The following PSME4 variants were observed in gnomAD, a reference collection of about 807,000 sequenced individuals.
The protein encoded by PSME4 is proteasome activator complex subunit 4.
A neutral mutation model predicts 253.9 loss-of-function variants in PSME4; 89 were observed. That is an observed-to-expected ratio of 0.35 (90% confidence interval 0.30 to 0.42). PSME4 has a LOEUF of 0.42. Ranked by LOEUF, PSME4 falls within the 10% of genes least tolerant of loss-of-function variation. The pLI is 1.00. For synonymous variants in PSME4, 851 were observed against 759.2 expected (o/e 1.12, Z -1.99); for missense variants, 2,014 against 2,195.2 (o/e 0.92, Z 1.65).
intron 10 of PSME4, 114 bp downstream of exon 10, chr2:53,931,721 A>G: frequency 1.8e-6 from 2 of 1,128,186 alleles, no homozygotes; most frequent in Non-Finnish European, 1.3e-6. Flanking sequence ...TCCTCTAGGA[A>G]CAGGAATAAG....
chr2:53,919,969 TAAA>T (rs567490310), intron 19 of PSME4, among the ~76,000 whole-genome samples: 3 of 151,796 alleles, frequency 2.0e-5, no homozygotes, highest in Non-Finnish European at 4.4e-5. Flanking sequence ...TAGAAGGTAA[TAAA>T]AAAAATTAGA....
intron 20 of PSME4, among the ~76,000 whole-genome samples, chr2:53,918,660 A>G (rs1668165293): frequency 6.6e-6 from 1 of 152,172 alleles, no homozygotes; most frequent in Non-Finnish European, 1.5e-5. Context: ...TAAATGGCGG[A>G]GCTAACAACG....
rs566957394 is a variant in PSME4, at chr2:53,889,760, T to A, written c.4296+344A>T. ...GGCTTTTACTATATGTAAGTGACAT[T>A]TCCAAATACATGACTGTCACTTAAT... On this transcript the variant is annotated intron_variant, in intron 37 of 46. Coordinates refer to ENST00000404125, the MANE Select transcript of PSME4 (RefSeq NM_014614.3). Among the ~76,000 whole-genome samples, 6 of 152,322 alleles carry A rather than the reference T, an allele frequency of 3.9e-5. No individual in the cohort carries two copies. The South Asian group carries it at 1.2e-3, about 32-fold the overall frequency.
rs1190705290 is a variant in PSME4, at chr2:53,864,988, G to A, written c.*590C>T. 6 of 152,608 alleles carry A rather than the reference G, an allele frequency of 3.9e-5. No individual in the cohort carries two copies. The highest frequency in any genetic ancestry group is 1.4e-4 in the African/African-American group (6 of 41,446). The allele number at this position is 152,608 out of a possible 1,614,324, so 9.5% of individuals were successfully genotyped here. A position where few individuals can be genotyped will look rare whatever the true frequency, so the allele number is the denominator to read the frequency against. ...TATTCAGCACCAAAAACTCCAGTCT[G>A]TGGGAAGTGCACAGACACAGACTTC... On this transcript the variant is annotated 3_prime_UTR_variant, in exon 47 of 47. Transcript: ENST00000404125.
Position 53,932,115 on chromosome 2 carries a change from G to A in PSME4, c.1051-15C>T, listed in dbSNP as rs1467790729. 1 of 1,607,796 alleles carries A rather than the reference G, an allele frequency of 6.2e-7. No homozygotes were observed. Among genetic ancestry groups the A allele is most frequent in the Non-Finnish European group, 8.5e-7 (1 of 1,176,690 alleles). On this transcript the variant is annotated splice_polypyrimidine_tract_variant and intron_variant, in intron 9 of 46. Coordinates refer to ENST00000404125, the MANE Select transcript of PSME4 (RefSeq NM_014614.3). ...ATTAACTTGTTCTGGGGACACAGAA[G>A]CAAAAAGTTCTAAGTAGGTTCTACT... is the stretch of plus-strand genomic sequence containing the variant.
intron 20 of PSME4, among the ~76,000 whole-genome samples, chr2:53,914,270 A>G (rs983348080): frequency 6.6e-6 from 1 of 152,188 alleles, no homozygotes; most frequent in African/African-American, 2.4e-5. Flanking sequence ...GGAAAAATTA[A>G]TGATGATTTC....
Position 53,923,111 on chromosome 2 carries a change from G to A in PSME4, c.1916C>T (p.Pro639Leu), listed in dbSNP as rs2104453138. Residue 639 changes from proline (P) to leucine (L), a missense_variant, in exon 16 of 47, where the codon CCA (proline) becomes CTA (leucine). Transcript: ENST00000404125. ...AACAAAGAGCTTCAAAGATTCTTCT[G>A]GGCAGCACTGAAAATGTATTTGTAT... ...DMCRAAVKCCPEESLKLFVPH... is the reference protein window; with the variant it reads ...DMCRAAVKCCLEESLKLFVPH... The A allele has an allele frequency of 3.7e-6, 6 of 1,605,582 alleles. No homozygotes were observed. In the East Asian group the frequency reaches 1.1e-4, roughly 30 times the overall value.
rs1007640995 is a variant in PSME4, at chr2:53,890,010, T to A, written c.4296+94A>T. 3 of 962,580 alleles carry A rather than the reference T, an allele frequency of 3.1e-6. No individual in the cohort carries two copies. In the African/African-American group the frequency reaches 5.0e-5, roughly 16 times the overall value. 59.6% of individuals were successfully genotyped at this position (962,580 alleles called of 1,614,324 possible). On this transcript the variant is annotated intron_variant, in intron 37 of 46. Coordinates refer to ENST00000404125, the MANE Select transcript of PSME4 (RefSeq NM_014614.3). The stretch of plus-strand genomic sequence containing the variant: ...ATTAAAAAACAAAACCCAAAAAGAT[T>A]TAAGAAGTGTTATGAGATTTCACAC...
rs1268695734 is a variant in PSME4 at position 53,908,778 on chromosome 2, A to G, written c.2629+6T>C. On this transcript the variant is annotated splice_donor_region_variant and intron_variant, in intron 22 of 46. Transcript: ENST00000404125. ...ACAAATAAGTTAAATGTACAGATAC[A>G]CTTACTAAGAAGTTTCCTTATAACT... 2 of 1,588,664 alleles carry G rather than the reference A, an allele frequency of 1.3e-6. No individual in the cohort carries two copies. The highest frequency in any genetic ancestry group is 3.4e-5 in the Admixed American group (2 of 58,362).
chr2:53,914,843 C>T (rs925820784), intron 20 of PSME4, among the ~76,000 whole-genome samples: 19 of 152,102 alleles, frequency 1.2e-4, no homozygotes, highest in African/African-American at 4.3e-4. Context: ...ATTGTGCCAC[C>T]GCACTCCAGC....
chr2:53,893,656 T>G lies in PSME4; in HGVS notation c.4038+18A>C. 1 of 1,605,404 alleles carries G rather than the reference T, an allele frequency of 6.2e-7. No individual in the cohort carries two copies. Among genetic ancestry groups the G allele is most frequent in the Non-Finnish European group, 8.5e-7 (1 of 1,175,516 alleles). The stretch of plus-strand genomic sequence containing the variant: ...GTTACTAAGCATTACAAAGAGGATA[T>G]GTAAACAATATAGTTACCTTAAAGA... On this transcript the variant is annotated intron_variant, in intron 35 of 46. Coordinates refer to ENST00000404125, the MANE Select transcript of PSME4 (RefSeq NM_014614.3).
rs776088587 is a variant in PSME4 at position 53,931,980 on chromosome 2, G to C, written c.1171C>G (p.Gln391Glu). ...PVPDSHKLTD[Q>E]DVTDFVQCII... is the part of the protein sequence containing the mutation. Reference sequence around the variant, plus strand: ...CATTGTACAAAGTCTGTAACATCTTGATCAGTAAGCTTGTGGCTATCAGGC... The same window carrying C: ...CATTGTACAAAGTCTGTAACATCTTCATCAGTAAGCTTGTGGCTATCAGGC... The change falls in exon 10 of 47, where the codon CAA (glutamine) becomes GAA (glutamate). Residue 391 changes from glutamine (Q) to glutamate (E), a missense_variant. Transcript: ENST00000404125. 3.7e-6 allele frequency: 6 copies of C among 1,614,074 alleles called. No individual in the cohort carries two copies. The highest frequency in any genetic ancestry group is 1.1e-5 in the South Asian group (1 of 91,082).
At chr2:53,959,934 A>G (rs773993276) in intron 1 of PSME4, among the ~76,000 whole-genome samples, 29 of 152,250 alleles carry the variant, frequency 1.9e-4, no homozygotes, top group Non-Finnish European at 3.7e-4. Context: ...AAACATGTAA[A>G]AGTGAAATAA....
chr2:53,908,808 C>T lies in PSME4; in HGVS notation c.2605G>A (p.Ala869Thr), dbSNP rs1387355453. The T allele has an allele frequency of 6.2e-7, 1 of 1,602,966 alleles. No homozygotes were observed. The highest frequency in any genetic ancestry group is 8.5e-7 in the Non-Finnish European group (1 of 1,172,516). ...CTAAGAAGTTTCCTTATAACTGTAG[C>T]AATTACTTCTCGGTGGTTCTCTCGA... ...LSRENHREVI[A>T]TVIRKLLNHI... The change falls in exon 22 of 47, where the codon GCT becomes ACT. Residue 869 changes from alanine to threonine, a missense_variant. By Grantham distance (58) the Ala-to-Thr change is moderately conservative. Transcript: ENST00000404125.
At position 53,939,982 on chromosome 2, in the gene PSME4, G is replaced by C; in HGVS notation, c.519C>G (p.Leu173=). Residue 173 remains leucine (L), a synonymous_variant, in exon 4 of 47, where the codon CTC becomes CTG. Transcript: ENST00000404125. ...NWFPNSVENI[L]KTLVKSCRPY... is the part of the protein sequence containing the mutation. ...GTCGGCAGCTTTTCACGAGTGTTTTGAGAATATTTTCTACAGAACTGGGGG... is the reference window on the plus strand; with the variant it reads ...GTCGGCAGCTTTTCACGAGTGTTTTCAGAATATTTTCTACAGAACTGGGGG... 1 of 1,593,586 alleles carries C rather than the reference G, an allele frequency of 6.3e-7. No homozygotes were observed. The highest frequency in any genetic ancestry group is 8.6e-7 in the Non-Finnish European group (1 of 1,164,932).
chr2:53,969,842 T>G (rs956950635), intron 1 of PSME4, among the ~76,000 whole-genome samples: 2 of 152,132 alleles, frequency 1.3e-5, no homozygotes, highest in Non-Finnish European at 2.9e-5. Context: ...ATCCTGACAG[T>G]GCTCTTCCCT....
At chr2:53,899,205 T>A (rs1215149076) in intron 29 of PSME4, among the ~76,000 whole-genome samples, 1 of 151,876 alleles carries the variant, frequency 6.6e-6, no homozygotes, top group Admixed American at 6.6e-5. Flanking sequence ...GCTGGGACTG[T>A]AGGCGCGTGC....
rs1355975361 is a variant in PSME4, at chr2:53,936,147, G to C, written c.774C>G (p.Leu258=). The change falls in exon 7 of 47, where the codon CTC becomes CTG. Residue 258 remains leucine, a synonymous_variant. Transcript: ENST00000404125. The stretch of plus-strand genomic sequence containing the variant: ...TATTATCTGTAGCCAATCGAGCAAA[G>C]AGATTTACTAGTTGCTGAAAGTAAA... The part of the protein sequence containing the change: ...LPQWEGQLVN[L]FARLATDNIG... The C allele has an allele frequency of 3.1e-6, 5 of 1,613,354 alleles. No individual in the cohort carries two copies. In the South Asian group the frequency reaches 5.5e-5, roughly 18 times the overall value.
intron 41 of PSME4, chr2:53,881,634 G>A (rs1470871980): frequency 6.6e-6 from 1 of 151,038 alleles, no homozygotes; most frequent in Admixed American, 6.6e-5. Flanking sequence ...TCTCCCAGCT[G>A]GAGCACAGTG....
Sources: allele counts gnomAD v4.1 joint callset (sites outside exome capture counted in the v4.1 genomes callset), GRCh38; gene constraint gnomAD v4.1.1; transcripts MANE v1.5; gene names NCBI Gene and HGNC (gene_info 2026-07-23, HGNC 2026-07-21).